The following NRF1 variants were observed in gnomAD, a reference collection of about 807,000 sequenced individuals.
NRF1 encodes the protein nuclear respiratory factor 1.
In NRF1, 5 loss-of-function variants were observed where a neutral mutation model predicts 58.5. That is an observed-to-expected ratio of 0.09 (90% CI 0.04 to 0.18). NRF1 has a LOEUF of 0.18. Ranked by LOEUF, NRF1 falls within the 10% of genes least tolerant of loss-of-function variation. The probability of loss-of-function intolerance (pLI) is 1.00; values close to 1 mark genes in which losing one functional copy is unlikely to be tolerated. For missense variants in NRF1, 288 were observed against 657.7 expected (o/e 0.44, Z 6.15); for synonymous variants, 224 against 246.7 (o/e 0.91, Z 0.86).
At chr7:129,744,861 T>G (rs1402236742) in intron 10 of NRF1, among the ~76,000 whole-genome samples, 1 of 152,086 alleles carries the variant, frequency 6.6e-6, no homozygotes, top group Non-Finnish European at 1.5e-5. Flanking sequence ...AAGTCACGAG[T>G]ACATCTTTGG....
rs1804219110 is a variant in NRF1 at position 129,755,007 on chromosome 7, T to C, written c.1349-11T>C. 6 of 1,573,342 alleles carry C rather than the reference T, an allele frequency of 3.8e-6. No homozygotes were observed. The highest frequency in any genetic ancestry group is 2.8e-5 in the African/African-American group (2 of 72,652). ...TGAGCCCCACCAACGGTCTTCTCTT[T>C]GTCTCTCCAGGCCTGGTCCAGATCC... On this transcript the variant is annotated splice_polypyrimidine_tract_variant and intron_variant, in intron 10 of 10. Transcript: ENST00000393232. The surrounding 1 kb of genome is among the most constrained non-coding windows in gnomAD (Gnocchi z 5.8).
At position 129,698,239 on chromosome 7, in the gene NRF1, C is replaced by A. The variant is rs191730661; in HGVS notation, c.606+7693C>A. ...CTTTATTAGTAAATAGGATGTTTTA[C>A]CTGGAAAGTTTCTGTTTTTATTATT... On this transcript the variant is annotated intron_variant, in intron 5 of 10. Transcript: ENST00000393232. 2.7e-5 allele frequency among the ~76,000 whole-genome samples: 4 copies of A among 147,000 alleles called. No homozygotes were observed. The East Asian group carries it at 6.0e-4, about 22-fold the overall frequency.
chr7:129,614,607 G>A (rs4731607), intron 1 of NRF1, among the ~76,000 whole-genome samples: 133,160 of 151,990 alleles, frequency 0.88, 58,452 homozygotes, highest in East Asian at 0.93. Context: ...AAGTGCCACC[G>A]TGCTGGCAGT....
chr7:129,634,962 T>G (rs1020747638), intron 1 of NRF1, among the ~76,000 whole-genome samples: 1 of 152,332 alleles, frequency 6.6e-6, no homozygotes, highest in Middle Eastern at 3.4e-3. Flanking sequence ...GCTTTCTCTT[T>G]TCTTTATCTA....
At chr7:129,696,690 G>T (rs904915545) in intron 5 of NRF1, among the ~76,000 whole-genome samples, 4 of 152,134 alleles carry the variant, frequency 2.6e-5, no homozygotes, top group Admixed American at 1.3e-4. Context: ...GCACTTAATG[G>T]TATAGAGATA....
At chr7:129,708,671 TTC>T (rs1803004978) in intron 5 of NRF1, among the ~76,000 whole-genome samples, 1 of 152,226 alleles carries the variant, frequency 6.6e-6, no homozygotes, top group Admixed American at 6.5e-5. Context: ...CGCCTCTTAT[TTC>T]TCTCTTATCT....
At chr7:129,731,828 T>C (rs1261276141) in intron 10 of NRF1, among the ~76,000 whole-genome samples, 2 of 152,086 alleles carry the variant, frequency 1.3e-5, no homozygotes. Flanking sequence ...CCCAGGCTGG[T>C]CTCAAACTCC....
At chr7:129,656,149 G>C (rs1043111463) in intron 1 of NRF1, among the ~76,000 whole-genome samples, 11 of 151,708 alleles carry the variant, frequency 7.3e-5, no homozygotes, top group Non-Finnish European at 1.5e-4. Context: ...AATATGTAAA[G>C]TTTTATATAC....
At position 129,613,528 on chromosome 7, in the gene NRF1, G is replaced by GT. The variant is rs531994295; in HGVS notation, c.-7+1704_-7+1705insT. The stretch of plus-strand genomic sequence containing the variant: ...TGGGCAGAATTTTTTTGTGTCAAGG[G>GT]GTTTTTTTTTCTTTTGATAGGACTT... On this transcript the variant is annotated intron_variant, in intron 1 of 10. Transcript: ENST00000393232. 6.8e-3 allele frequency among the ~76,000 whole-genome samples: 1,034 copies of GT among 151,306 alleles called. 10 individuals carry two copies. Among genetic ancestry groups the GT allele is most frequent in the South Asian group, 0.017 (83 of 4,790 alleles).
At chr7:129,697,490 G>C (rs1317934537) in intron 5 of NRF1, among the ~76,000 whole-genome samples, 3 of 150,184 alleles carry the variant, frequency 2.0e-5, no homozygotes, top group African/African-American at 7.4e-5. Flanking sequence ...GGAGGTTGCA[G>C]TGAGCCGAGA....
chr7:129,731,548 C>T (rs1157240032), intron 10 of NRF1, among the ~76,000 whole-genome samples: 1 of 152,192 alleles, frequency 6.6e-6, no homozygotes, highest in Admixed American at 6.5e-5. Context: ...GATGCCTTTT[C>T]ATTTAGATGT....
At chr7:129,631,604 T>C (rs1390850922) in intron 1 of NRF1, among the ~76,000 whole-genome samples, 3 of 152,142 alleles carry the variant, frequency 2.0e-5, no homozygotes, top group African/African-American at 7.2e-5. Flanking sequence ...ATTCAGTGTT[T>C]CCTTGGACTT....
intron 1 of NRF1, among the ~76,000 whole-genome samples, chr7:129,629,416 T>TA (rs1348600943): frequency 6.6e-6 from 1 of 152,142 alleles, no homozygotes; most frequent in Admixed American, 6.5e-5. Flanking sequence ...TAGCTGGGGT[T>TA]ACAGCTGCCA....
intron 3 of NRF1, among the ~76,000 whole-genome samples, chr7:129,672,527 T>A (rs978257627): frequency 1.3e-5 from 2 of 152,162 alleles, no homozygotes; most frequent in African/African-American, 4.8e-5. Context: ...TAGGTGGTGA[T>A]TATAGTAATC....
At chr7:129,751,867 G>C (rs1008883507) in intron 10 of NRF1, among the ~76,000 whole-genome samples, 1 of 152,190 alleles carries the variant, frequency 6.6e-6, no homozygotes, top group Non-Finnish European at 1.5e-5. Context: ...TTGACCAGAA[G>C]AGAGCCTGAT....
At chr7:129,725,839 A>T (rs940588810) in intron 9 of NRF1, among the ~76,000 whole-genome samples, 7 of 152,222 alleles carry the variant, frequency 4.6e-5, no homozygotes, top group Non-Finnish European at 1.0e-4. Flanking sequence ...CTATTTAATG[A>T]CACTTTTCTG....
At chr7:129,628,232 G>T (rs1800965496) in intron 1 of NRF1, among the ~76,000 whole-genome samples, 1 of 150,492 alleles carries the variant, frequency 6.6e-6, no homozygotes, top group South Asian at 2.1e-4. Flanking sequence ...TTTTAGTAGA[G>T]ATGGGGTTTC....
intron 3 of NRF1, among the ~76,000 whole-genome samples, chr7:129,673,278 A>G (rs951082499): frequency 2.0e-5 from 3 of 152,118 alleles, no homozygotes; most frequent in African/African-American, 4.8e-5. Flanking sequence ...AATATAAACC[A>G]TTGTTTCAAG....
chr7:129,617,752 CAG>C (rs761308535), intron 1 of NRF1, among the ~76,000 whole-genome samples: 7 of 152,022 alleles, frequency 4.6e-5, no homozygotes, highest in Non-Finnish European at 1.0e-4. Context: ...GAATGATACA[CAG>C]AGAAAAGTGA....
Sources: allele counts gnomAD v4.1 joint callset (sites outside exome capture counted in the v4.1 genomes callset), GRCh38; gene constraint gnomAD v4.1.1; non-coding constraint Gnocchi (gnomAD v3.1); transcripts MANE v1.5; gene names NCBI Gene and HGNC (gene_info 2026-07-23, HGNC 2026-07-21).